The following BFSP1 variants were observed in gnomAD, a reference collection of about 807,000 sequenced individuals.
BFSP1 encodes the protein beaded filament structural protein 1.
Under a neutral mutation model 43.9 loss-of-function variants are expected in BFSP1, and 38 were observed. The ratio of observed to expected loss-of-function variants is 0.87; its 90% confidence interval spans 0.67 to 1.14. The LOEUF (loss-of-function observed/expected upper bound fraction) is 1.14, where lower values mean the gene tolerates loss of function less well. BFSP1 is among the 50% of genes most tolerant of loss of function. The probability of loss-of-function intolerance (pLI) is 0.00; values close to 1 mark genes in which losing one functional copy is unlikely to be tolerated. For missense variants in BFSP1, 850 were observed against 875.1 expected (o/e 0.97, Z 0.36); for synonymous variants, 352 against 354.8 (o/e 0.99, Z 0.09).
At chr20:17,501,119 T>G (rs1212914974) in intron 5 of BFSP1, among the ~76,000 whole-genome samples, 1 of 152,250 alleles carries the variant, frequency 6.6e-6, no homozygotes, top group Non-Finnish European at 1.5e-5. Context: ...ACTTCATGTA[T>G]GTCCACTGCA....
intron 5 of BFSP1, among the ~76,000 whole-genome samples, chr20:17,501,936 G>T (rs546069999): frequency 6.6e-6 from 1 of 152,212 alleles, no homozygotes; most frequent in African/African-American, 2.4e-5. Context: ...TGAGGCTGCC[G>T]CTCTGGAGTG....
chr20:17,511,842 G>A (rs960974186), intron 4 of BFSP1, 134 bp downstream of exon 4: 8 of 612,042 alleles, frequency 1.3e-5, no homozygotes, highest in East Asian at 8.1e-5. Context: ...AACTTCAGAT[G>A]AGAATACAAG....
At chr20:17,539,587 TA>T (rs1007199673) in intron 1 of BFSP1, among the ~76,000 whole-genome samples, 2 of 151,534 alleles carry the variant, frequency 1.3e-5, no homozygotes, top group Admixed American at 1.3e-4. Context: ...TCGCTATATA[TA>T]AAAAATAATA....
intron 4 of BFSP1, 38 bp from the exon 5 acceptor site, chr20:17,509,034 G>T (rs1227316845): frequency 4.1e-6 from 6 of 1,458,786 alleles, no homozygotes; most frequent in Non-Finnish European, 5.5e-6. Context: ...CATGGGACAT[G>T]CAGAGAGGAA....
intron 1 of BFSP1, among the ~76,000 whole-genome samples, chr20:17,540,516 C>T (rs2034698290): frequency 6.6e-6 from 1 of 152,172 alleles, no homozygotes; most frequent in African/African-American, 2.4e-5. Flanking sequence ...AGGTCCCCCG[C>T]TGTTTACCTG....
intron 1 of BFSP1, among the ~76,000 whole-genome samples, chr20:17,538,713 C>T (rs1233108441): frequency 6.6e-6 from 1 of 152,164 alleles, no homozygotes; most frequent in Non-Finnish European, 1.5e-5. Context: ...TGAAAAGCAG[C>T]CCTTCCCATG....
intron 1 of BFSP1, chr20:17,541,218 T>A (rs1310908737): frequency 5.2e-6 from 5 of 964,536 alleles, no homozygotes; most frequent in Non-Finnish European, 6.2e-6. Flanking sequence ...AAAATAATAA[T>A]TAGTGAATAT....
rs1246080692 is a variant in BFSP1, at chr20:17,498,878, G to A, written c.898C>T (p.Gln300Ter). Residue 300 changes from glutamine to a stop codon, truncating the protein, a stop_gained, in exon 6 of 8, where the codon CAA becomes TAA. Coordinates refer to ENST00000377873, the MANE Select transcript of BFSP1 (RefSeq NM_001195.5). LOFTEE classifies it high-confidence loss of function. ...CGGTCCAGCTCATTCTTCAGGGTTT[G>A]CTGGGCGACCGCCAGCTGCCGGCAG... ...YDCRQLAVAQ[Q>*]TLKNELDRYH... The A allele has an allele frequency of 1.2e-6, 2 of 1,613,950 alleles. No homozygotes were observed. Among genetic ancestry groups the A allele is most frequent in the Admixed American group, 3.3e-5 (2 of 60,012 alleles).
intron 3 of BFSP1, among the ~76,000 whole-genome samples, chr20:17,512,648 G>A (rs896551502): frequency 9.9e-5 from 15 of 152,142 alleles, no homozygotes; most frequent in Non-Finnish European, 1.9e-4. Flanking sequence ...ACCTGGGGGT[G>A]GGTGGAGGCT....
chr20:17,545,792 T>G (rs888896357), intron 1 of BFSP1, among the ~76,000 whole-genome samples: 1 of 152,248 alleles, frequency 6.6e-6, no homozygotes, highest in Non-Finnish European at 1.5e-5. Context: ...ATGCCAAAGA[T>G]AGTTTTCTTT....
In BFSP1 at chr20:17,494,952, T is replaced by C; in HGVS notation, c.1120A>G (p.Lys374Glu). The C allele has an allele frequency of 1.2e-6, 2 of 1,614,208 alleles. No homozygotes were observed. Among genetic ancestry groups the C allele is most frequent in the Non-Finnish European group, 1.7e-6 (2 of 1,180,044 alleles). Residue 374 changes from lysine to glutamate, a missense_variant, in exon 8 of 8, where the codon AAA (lysine) becomes GAA (glutamate). Lys to Glu is a moderately conservative substitution (Grantham distance 56, BLOSUM62 1). Transcript: ENST00000377873. The part of the protein sequence containing the change: ...KALPKNVPRR[K>E]EIITKDKTNG... ...GTTTTGTCTTTTGTTATAATCTCTTTTCTCCTTGGAACATTCTTGGGGAGG... is the reference window on the plus strand; with the variant it reads ...GTTTTGTCTTTTGTTATAATCTCTTCTCTCCTTGGAACATTCTTGGGGAGG...
intron 6 of BFSP1, among the ~76,000 whole-genome samples, chr20:17,498,087 C>T (rs902845920): frequency 2.0e-5 from 3 of 152,160 alleles, no homozygotes; most frequent in East Asian, 3.9e-4. Flanking sequence ...GAGCACCCAG[C>T]GCGAAGGGAA....
chr20:17,563,886 A>T (rs1028169172), upstream of BFSP1, among the ~76,000 whole-genome samples: 3 of 96,960 alleles, frequency 3.1e-5, no homozygotes, highest in African/African-American at 5.0e-5. Flanking sequence ...GACCGTGTCT[A>T]AAAAAAAAAA....
intron 1 of BFSP1, among the ~76,000 whole-genome samples, chr20:17,545,075 A>G (rs1288931219): frequency 6.6e-6 from 1 of 152,236 alleles, no homozygotes; most frequent in Non-Finnish European, 1.5e-5. Flanking sequence ...TCAATGCAAT[A>G]GAAATTGACA....
Position 17,504,029 on chromosome 20 carries a change from G to A in BFSP1, c.735+4860C>T, listed in dbSNP as rs145435232. On this transcript the variant is annotated intron_variant, in intron 5 of 7. Coordinates refer to ENST00000377873, the MANE Select transcript of BFSP1 (RefSeq NM_001195.5). Reference sequence around the variant, plus strand: ...AGTGGTGATTGTTGTTTTTGTGGTAGTGGTAGGGGGTGGAGGGATGGGGTG... The same window carrying A: ...AGTGGTGATTGTTGTTTTTGTGGTAATGGTAGGGGGTGGAGGGATGGGGTG... 3.4e-3 allele frequency among the ~76,000 whole-genome samples: 520 copies of A among 152,290 alleles called. 4 individuals are homozygous for A. Among genetic ancestry groups the A allele is most frequent in the Non-Finnish European group, 5.5e-3 (373 of 68,024 alleles).
rs374664442 is a variant in BFSP1, at chr20:17,494,196, C to G, written c.1876G>C (p.Glu626Gln). ...ALAYKTVEVV[E>Q]SIEKISTESI... ...TCCGTGGAAATCTTCTCGATAGATT[C>G]CACCACTTCCACTGTCTTATAGGCC... The change falls in exon 8 of 8, where the codon GAA (glutamate) becomes CAA (glutamine). Residue 626 changes from glutamate to glutamine, a missense_variant. Glu to Gln is a conservative substitution (Grantham distance 29). Transcript: ENST00000377873. 1 of 1,614,174 alleles carries G rather than the reference C, an allele frequency of 6.2e-7. No individual in the cohort carries two copies. The highest frequency in any genetic ancestry group is 1.3e-5 in the African/African-American group (1 of 75,070).
intron 1 of BFSP1, among the ~76,000 whole-genome samples, chr20:17,547,850 C>G (rs941453848): frequency 6.6e-6 from 1 of 150,642 alleles, no homozygotes; most frequent in Non-Finnish European, 1.5e-5. Context: ...TCTGCCTCAG[C>G]CTCTCAAGTA....
intron 7 of BFSP1, among the ~76,000 whole-genome samples, chr20:17,496,731 CT>C (rs1238147682): frequency 1.3e-5 from 2 of 152,292 alleles, no homozygotes; most frequent in Middle Eastern, 3.4e-3. Context: ...GCCTAGCCCC[CT>C]AGTCGATTTT....
At chr20:17,567,055 A>G (rs2035127622) in intron 1 of BFSP1, among the ~76,000 whole-genome samples, 1 of 152,128 alleles carries the variant, frequency 6.6e-6, no homozygotes, top group Non-Finnish European at 1.5e-5. Context: ...CACATTGGGG[A>G]TTACCTTTCA....
Sources: allele counts gnomAD v4.1 joint callset (sites outside exome capture counted in the v4.1 genomes callset), GRCh38; gene constraint gnomAD v4.1.1; transcripts MANE v1.5; gene names NCBI Gene and HGNC (gene_info 2026-07-23, HGNC 2026-07-21).